Variants in CYRIB observed in about 807,000 individuals in gnomAD.
CYRIB encodes CYFIP related Rac1 interactor B, also known as CYFIP-related Rac1 interactor B.
A neutral mutation model predicts 44.2 loss-of-function variants in CYRIB; 8 were observed. That is an observed-to-expected ratio of 0.18 (90% confidence interval 0.11 to 0.33). The LOEUF (loss-of-function observed/expected upper bound fraction) is 0.33. Ranked by LOEUF, CYRIB falls within the 10% of genes least tolerant of loss-of-function variation. The probability of loss-of-function intolerance (pLI) is 1.00; values close to 1 mark genes in which losing one functional copy is unlikely to be tolerated. For synonymous variants in CYRIB, 131 were observed against 127.2 expected, an observed-to-expected ratio of 1.03 and a Z score of -0.20; for missense variants, 185 against 382.8, an observed-to-expected ratio of 0.48 and a Z score of 4.31.
chr8:129,873,536 T>C (rs887858686), intron 3 of CYRIB, among the ~76,000 whole-genome samples: 2 of 152,028 alleles, frequency 1.3e-5, no homozygotes, highest in African/African-American at 2.4e-5. Context: ...CTTTTTCATA[T>C]GGAATTGTGA....
chr8:129,951,812 T>G (rs568481214), intron 2 of CYRIB, among the ~76,000 whole-genome samples: 15 of 152,188 alleles, frequency 9.9e-5, no homozygotes, highest in African/African-American at 1.9e-4. Flanking sequence ...ATTTGTCACC[T>G]CCTAACATCG....
intron 1 of CYRIB, among the ~76,000 whole-genome samples, chr8:129,925,811 T>C (rs1019155495): frequency 3.3e-5 from 5 of 152,192 alleles, no homozygotes; most frequent in African/African-American, 1.2e-4. Flanking sequence ...AAGTGGTCAC[T>C]ATAAAGCCCT....
intron 2 of CYRIB, among the ~76,000 whole-genome samples, chr8:129,960,308 A>G (rs941106787): frequency 2.0e-5 from 3 of 152,168 alleles, no homozygotes; most frequent in African/African-American, 7.2e-5. Flanking sequence ...AACTTAACAA[A>G]TCACGATCAG....
chr8:129,961,117 T>C (rs2095238887), intron 2 of CYRIB, among the ~76,000 whole-genome samples: 1 of 152,094 alleles, frequency 6.6e-6, no homozygotes, highest in Non-Finnish European at 1.5e-5. Flanking sequence ...TGGGCTCAAA[T>C]CGTGACTCTA....
At chr8:129,986,567 T>C (rs1289908480) in intron 1 of CYRIB, among the ~76,000 whole-genome samples, 8 of 152,098 alleles carry the variant, frequency 5.3e-5, no homozygotes, top group African/African-American at 1.9e-4. Flanking sequence ...TATCTTGGGA[T>C]TGGGACTGGT....
In CYRIB at chr8:129,905,196, A is replaced by T. The variant is rs1006546328; in HGVS notation, c.-49-1846T>A. On this transcript the variant is annotated intron_variant, in intron 1 of 11. Coordinates refer to ENST00000519824, the Ensembl canonical transcript of CYRIB. ...GAGACAGAGTCTCACTCTGTCACCC[A>T]GGCTGGATTGATTGATTGATTGATT... Among the ~76,000 whole-genome samples, 4 of 135,060 alleles carry T rather than the reference A, an allele frequency of 3.0e-5. No individual in the cohort carries two copies. The Admixed American group carries it at 3.3e-4, about 11-fold the overall frequency. The allele number at this position is 135,060 out of a possible 152,430, so 88.6% of individuals were successfully genotyped here. A position where few individuals can be genotyped will look rare whatever the true frequency, so the allele number is the denominator to read the frequency against.
At chr8:129,871,633 A>G (rs2057260093) in intron 3 of CYRIB, 137 bp from the exon 6 acceptor site, 1 of 830,848 alleles carries the variant, frequency 1.2e-6, no homozygotes, top group Non-Finnish European at 1.9e-6. Context: ...ACTTTTAAAG[A>G]AAAGACTAAT....
At chr8:129,980,181 T>C (rs1029065672) in intron 1 of CYRIB, among the ~76,000 whole-genome samples, 5 of 143,342 alleles carry the variant, frequency 3.5e-5, no homozygotes, top group African/African-American at 1.3e-4. Flanking sequence ...TGAGCCAAGA[T>C]TGCACCACTG....
intron 1 of CYRIB, among the ~76,000 whole-genome samples, chr8:130,006,340 G>A: frequency 6.7e-6 from 1 of 150,288 alleles, no homozygotes; most frequent in South Asian, 2.1e-4. Flanking sequence ...GGCTTGCCGG[G>A]TACAGTGGTG....
At chr8:129,850,756 T>G (rs976689621) in intron 9 of CYRIB, 79 bp downstream of exon 11, 3 of 974,854 alleles carry the variant, frequency 3.1e-6, no homozygotes, top group African/African-American at 1.6e-5. Flanking sequence ...CATGTTAACA[T>G]GTTCATATAT....
intron 5 of CYRIB, among the ~76,000 whole-genome samples, chr8:129,857,141 G>A (rs535883709): frequency 1.3e-5 from 2 of 152,210 alleles, no homozygotes; most frequent in African/African-American, 2.4e-5. Context: ...GTACTGACTG[G>A]CTACTCTGTG....
In CYRIB at chr8:129,846,787, C is replaced by T; in HGVS notation, c.911+17G>A. 1.3e-6 allele frequency: 2 copies of T among 1,566,326 alleles called. No homozygotes were observed. Among genetic ancestry groups the T allele is most frequent in the Non-Finnish European group, 1.7e-6 (2 of 1,158,498 alleles). On this transcript the variant is annotated intron_variant, in intron 11 of 11. Coordinates refer to ENST00000519824, the Ensembl canonical transcript of CYRIB. ...TACAGATTTTTTCTGTACATACGTA[C>T]ACGTACATATACACACCTGAGAGCA...
chr8:129,949,928 T>C (rs1026603828), intron 2 of CYRIB, among the ~76,000 whole-genome samples: 4 of 152,116 alleles, frequency 2.6e-5, no homozygotes, highest in Admixed American at 2.6e-4. Flanking sequence ...TATCACCTAC[T>C]TCACTGTGTT....
chr8:129,903,163 C>A (rs1308481544), intron 2 of CYRIB, 149 bp downstream of exon 4: 1 of 152,512 alleles, frequency 6.6e-6, no homozygotes, highest in Admixed American at 6.5e-5. Flanking sequence ...AAAAACTAAA[C>A]AATCAATATT....
At chr8:129,900,165 C>T (rs1400516484) in intron 2 of CYRIB, among the ~76,000 whole-genome samples, 2 of 152,032 alleles carry the variant, frequency 1.3e-5, no homozygotes, top group Non-Finnish European at 2.9e-5. Flanking sequence ...AAGACTAGAG[C>T]AACCTGGTGA....
rs566111086 is a variant in CYRIB, at chr8:129,927,241, G to A, written c.-50+12367C>T. 3.9e-5 allele frequency among the ~76,000 whole-genome samples: 6 copies of A among 152,218 alleles called. No individual in the cohort carries two copies. In the East Asian group the frequency reaches 5.8e-4, roughly 15 times the overall value. On this transcript the variant is annotated intron_variant, in intron 1 of 11. Coordinates refer to ENST00000519824, the Ensembl canonical transcript of CYRIB. ...CAGGAGGCGAAGGTTGCAATGAGCC[G>A]AGATTGCGCCACTGCACTCCAGCCT...
At chr8:129,851,940 T>C (rs1191963495) in intron 8 of CYRIB, 2 of 382,814 alleles carry the variant, frequency 5.2e-6, no homozygotes, top group Non-Finnish European at 9.2e-6. Context: ...GGTTTGGCCA[T>C]GCCATCAGCT....
At chr8:129,869,513 C>G (rs889984303) in intron 4 of CYRIB, among the ~76,000 whole-genome samples, 1 of 151,260 alleles carries the variant, frequency 6.6e-6, no homozygotes, top group African/African-American at 2.4e-5. Context: ...ACAATTTAAA[C>G]TAATTTGTAG....
At chr8:129,996,361 T>C (rs2096765864) in intron 1 of CYRIB, among the ~76,000 whole-genome samples, 1 of 152,132 alleles carries the variant, frequency 6.6e-6, no homozygotes, top group Non-Finnish European at 1.5e-5. Context: ...CTAAACTTCC[T>C]GGTTTAGATG....
Sources: allele counts gnomAD v4.1 joint callset (sites outside exome capture counted in the v4.1 genomes callset), GRCh38; gene constraint gnomAD v4.1.1; transcripts MANE v1.5; gene names NCBI Gene and HGNC (gene_info 2026-07-23, HGNC 2026-07-21).